The following IL22RA2 variants were observed in gnomAD, a reference collection of about 807,000 sequenced individuals.
IL22RA2 encodes interleukin 22 receptor subunit alpha 2, also known as interleukin-22 receptor subunit alpha-2.
IL22RA2 carries 39 observed loss-of-function variants against 30.7 expected under a neutral mutation model. The observed-to-expected ratio is 1.27, with a 90% CI of 0.98 to 1.66. The LOEUF is 1.66. Among genes scored for constraint, IL22RA2 ranks in the 40% most tolerant of loss-of-function variants. The pLI, the probability that IL22RA2 is intolerant of heterozygous loss-of-function variation, is 0.00. For synonymous variants in IL22RA2, 103 were observed against 105.0 expected, an observed-to-expected ratio of 0.98 and a Z score of 0.11; for missense variants, 315 against 312.7, an observed-to-expected ratio of 1.01 and a Z score of -0.05.
chr6:137,146,368 T>A (rs1336153324), intron 6 of IL22RA2, among the ~76,000 whole-genome samples: 2 of 152,124 alleles, frequency 1.3e-5, no homozygotes, highest in East Asian at 3.9e-4. Context: ...GTGAGAATGA[T>A]GTGCAGCGAG....
chr6:137,156,726 AG>A (rs769674513), intron 4 of IL22RA2, 32 bp downstream of exon 4: 22 of 1,604,266 alleles, frequency 1.4e-5, no homozygotes, highest in Non-Finnish European at 1.8e-5. Flanking sequence ...AGAACACCTG[AG>A]GCTAGGTAAT....
chr6:137,167,471 G>C (rs10223866), intron 1 of IL22RA2, among the ~76,000 whole-genome samples: 22,284 of 152,180 alleles, frequency 0.15, 1,739 homozygotes, highest in Non-Finnish European at 0.17. Flanking sequence ...CCTTAGGTGA[G>C]GTCTCGCAGG....
At chr6:137,162,329 C>A (rs1429189458) in intron 1 of IL22RA2, among the ~76,000 whole-genome samples, 2 of 152,150 alleles carry the variant, frequency 1.3e-5, no homozygotes, top group African/African-American at 4.8e-5. Flanking sequence ...ATGCCCCATA[C>A]CCTTCCACTG....
intron 2 of IL22RA2, 54 bp from the exon 3 acceptor site, chr6:137,158,536 C>G: frequency 6.3e-7 from 1 of 1,584,404 alleles, no homozygotes; most frequent in South Asian, 1.1e-5. Context: ...CACTGCTGTT[C>G]CCAGCAGTAG....
chr6:137,147,188 A>G (rs908260090), intron 6 of IL22RA2, among the ~76,000 whole-genome samples: 4 of 58,206 alleles, frequency 6.9e-5, no homozygotes, highest in African/African-American at 6.1e-4. Flanking sequence ...TGCCTCTACA[A>G]AAAAAAAAAA....
intron 2 of IL22RA2, 76 bp from the exon 3 acceptor site, chr6:137,158,558 AT>A: frequency 6.8e-7 from 1 of 1,480,134 alleles, no homozygotes. Context: ...TTTCAGTGGA[AT>A]ACCTGCATCA....
chr6:137,148,198 G>A (rs1778217638), intron 5 of IL22RA2, among the ~76,000 whole-genome samples: 1 of 152,182 alleles, frequency 6.6e-6, no homozygotes, highest in South Asian at 2.1e-4. Flanking sequence ...TCTGTTTATT[G>A]GAAGGGCTTT....
At chr6:137,152,907 A>G (rs116775520) in intron 5 of IL22RA2, among the ~76,000 whole-genome samples, 255 of 152,244 alleles carry the variant, frequency 1.7e-3, no homozygotes, top group African/African-American at 5.6e-3. Flanking sequence ...TCCAGTAAGG[A>G]AGATCAATGT....
At chr6:137,146,239 C>T (rs754190417) in intron 6 of IL22RA2, among the ~76,000 whole-genome samples, 2 of 152,114 alleles carry the variant, frequency 1.3e-5, no homozygotes, top group African/African-American at 2.4e-5. Context: ...ACCATGTTGA[C>T]CAGGCAGGTC....
chr6:137,161,594 A>T (rs1159453188), intron 2 of IL22RA2, 95 bp downstream of exon 2: 1 of 972,816 alleles, frequency 1.0e-6, no homozygotes, highest in Non-Finnish European at 1.6e-6. Flanking sequence ...CAGCCTTTAT[A>T]AAGTTCAAAA....
intron 5 of IL22RA2, among the ~76,000 whole-genome samples, chr6:137,153,597 C>T (rs556013646): frequency 3.3e-5 from 5 of 152,234 alleles, no homozygotes; most frequent in Non-Finnish European, 4.4e-5. Context: ...AATTGGAAGT[C>T]GAGGCTCTCT....
In IL22RA2 at chr6:137,161,753, T is replaced by C. The variant is rs1392032529; in HGVS notation, c.-4A>G. On this transcript the variant is annotated 5_prime_UTR_variant, in exon 2 of 7. Transcript: ENST00000296980. Reference sequence around the variant, plus strand: ...GAAAGCAATGTTTAGGCATCATGGTTGCAAGTGTGACTGTTCAGGCAACCA... The same window carrying C: ...GAAAGCAATGTTTAGGCATCATGGTCGCAAGTGTGACTGTTCAGGCAACCA... 7 of 1,613,088 alleles carry C rather than the reference T, an allele frequency of 4.3e-6. No individual in the cohort carries two copies. The Middle Eastern group carries it at 6.6e-4, about 152-fold the overall frequency.
intron 1 of IL22RA2, among the ~76,000 whole-genome samples, chr6:137,166,965 T>C (rs573495723): frequency 2.0e-5 from 3 of 152,356 alleles, no homozygotes; most frequent in African/African-American, 4.8e-5. Flanking sequence ...TTTACTGAGC[T>C]GCCTCGAACC....
At chr6:137,155,267 T>A in intron 4 of IL22RA2, 148 bp from the exon 5 acceptor site, 1 of 550,634 alleles carries the variant, frequency 1.8e-6, no homozygotes, top group Non-Finnish European at 3.1e-6. Context: ...TTTAAAAAAA[T>A]TCCTTCTTAT....
chr6:137,145,638 C>T lies in IL22RA2; in HGVS notation c.778G>A (p.Val260Met). Residue 260 changes from valine (V) to methionine (M), a missense_variant, in exon 7 of 7, where the codon GTG becomes ATG. Coordinates refer to ENST00000296980, the MANE Select transcript of IL22RA2 (RefSeq NM_052962.3). The stretch of plus-strand genomic sequence containing the variant: ...AATTCCACAAGTCATGGAATTTCCA[C>T]ACATCTCTCTTCACTTCTCTGACTT... ...RRSQRSEERC[V>M]EIP 6.2e-7 allele frequency: 1 copy of T among 1,607,030 alleles called. No homozygotes were observed. Among genetic ancestry groups the T allele is most frequent in the Non-Finnish European group, 8.5e-7 (1 of 1,176,630 alleles).
intron 4 of IL22RA2, among the ~76,000 whole-genome samples, chr6:137,156,215 A>G (rs892142945): frequency 1.3e-5 from 2 of 152,052 alleles, no homozygotes; most frequent in Non-Finnish European, 2.9e-5. Context: ...TTGTTTCCTT[A>G]CCTGCCATAA....
chr6:137,171,163 G>A (rs1327670547), intron 1 of IL22RA2, among the ~76,000 whole-genome samples: 1 of 152,168 alleles, frequency 6.6e-6, no homozygotes, highest in Non-Finnish European at 1.5e-5. Flanking sequence ...ACAAATATTT[G>A]CTGTCCTACC....
rs549191720 is a variant in IL22RA2, at chr6:137,165,148, G to C, written c.-65-3334C>G. The stretch of plus-strand genomic sequence containing the variant: ...CAGGCTCAAGGGCTACAAGTTTGCA[G>C]CAGTATTGAGAGGCACTCCTAAATG... On this transcript the variant is annotated intron_variant, in intron 1 of 6. Transcript: ENST00000296980. 3.9e-5 allele frequency among the ~76,000 whole-genome samples: 6 copies of C among 152,318 alleles called. No individual in the cohort carries two copies. The East Asian group carries it at 1.2e-3, about 29-fold the overall frequency.
intron 4 of IL22RA2, among the ~76,000 whole-genome samples, chr6:137,155,324 C>G (rs1428936548): frequency 6.6e-6 from 1 of 151,884 alleles, no homozygotes; most frequent in Non-Finnish European, 1.5e-5. Context: ...ATACCCGAGA[C>G]TGGGTAATTT....
Sources: allele counts gnomAD v4.1 joint callset (sites outside exome capture counted in the v4.1 genomes callset), GRCh38; gene constraint gnomAD v4.1.1; transcripts MANE v1.5; gene names NCBI Gene and HGNC (gene_info 2026-07-23, HGNC 2026-07-21).